Variants in SNX32 observed in about 807,000 individuals in gnomAD.
SNX32 encodes sorting nexin 32.
A neutral mutation model predicts 57.0 loss-of-function variants in SNX32; 58 were observed. The ratio of observed to expected loss-of-function variants is 1.02; its 90% CI spans 0.82 to 1.27. The LOEUF (loss-of-function observed/expected upper bound fraction) is 1.27, where lower values mean the gene tolerates loss of function less well. Among genes scored for constraint, SNX32 ranks in the 50% most tolerant of loss-of-function variants. The probability of loss-of-function intolerance (pLI) is 0.00; values close to 1 mark genes in which losing one functional copy is unlikely to be tolerated. For missense variants in SNX32, 589 were observed against 541.2 expected (o/e 1.09, Z -0.88); for synonymous variants, 262 against 220.4 (o/e 1.19, Z -1.67).
chr11:65,844,591 A>G (rs1309518260), intron 1 of SNX32, among the ~76,000 whole-genome samples: 1 of 152,202 alleles, frequency 6.6e-6, no homozygotes, highest in African/African-American at 2.4e-5. Context: ...AGTATTTACT[A>G]AAGTGTTTTA....
chr11:65,846,046 T>C (rs909829013), intron 1 of SNX32, among the ~76,000 whole-genome samples: 11 of 151,806 alleles, frequency 7.2e-5, no homozygotes, highest in Admixed American at 2.0e-4. Flanking sequence ...CCAAGGTGGG[T>C]GGATCACCTG....
intron 1 of SNX32, among the ~76,000 whole-genome samples, chr11:65,835,896 T>C (rs772127921): frequency 1.2e-4 from 18 of 152,150 alleles, no homozygotes; most frequent in Non-Finnish European, 2.2e-4. Context: ...TCTGCTTCAA[T>C]GTTTATCTAT....
intron 7 of SNX32, 46 bp from the exon 8 acceptor site, chr11:65,851,282 T>C: frequency 6.2e-7 from 1 of 1,611,004 alleles, no homozygotes; most frequent in Non-Finnish European, 8.5e-7. Flanking sequence ...GCACCAAGGC[T>C]TGACATGCAG....
At chr11:65,849,798 C>G (rs1012502680) in intron 2 of SNX32, 122 bp from the exon 3 acceptor site, 1 of 822,582 alleles carries the variant, frequency 1.2e-6, no homozygotes, top group East Asian at 2.7e-5. Flanking sequence ...TCATGCACAC[C>G]TGAGCTCTAA....
rs1338918083 is a variant in SNX32, at chr11:65,851,336, G to A, written c.718G>A (p.Asp240Asn). 2.5e-6 allele frequency: 4 copies of A among 1,614,150 alleles called. No homozygotes were observed. Among genetic ancestry groups the A allele is most frequent in the Admixed American group, 1.7e-5 (1 of 60,018 alleles). The change falls in exon 8 of 13, where the codon GAC becomes AAC. Residue 240 changes from aspartate to asparagine, a missense_variant. Physicochemically the swap from Asp to Asn is conservative, Grantham distance 23 (BLOSUM62 1). Transcript: ENST00000308342. ...RVMRAHKCLA[D>N]DYIPISAALS... The stretch of plus-strand genomic sequence containing the variant: ...GGGCTGTTCCCCAACAGGCCTGGCA[G>A]ACGATTATATCCCTATCTCAGCTGC...
chr11:65,850,754 A>C lies in SNX32; in HGVS notation c.502A>C (p.Ser168Arg). 1 of 1,613,864 alleles carries C rather than the reference A, an allele frequency of 6.2e-7. No individual in the cohort carries two copies. The highest frequency in any genetic ancestry group is 8.5e-7 in the Non-Finnish European group (1 of 1,179,894). ...FVFLEYGQDL[S>R]VRGKNRKELL... is the part of the protein sequence containing the mutation. ...ATACCCTCCCTGTGTGCCTCAGCTGAGTGTCCGGGGGAAGAACAGGAAGGA... is the reference window on the plus strand; with the variant it reads ...ATACCCTCCCTGTGTGCCTCAGCTGCGTGTCCGGGGGAAGAACAGGAAGGA... Residue 168 changes from serine (S) to arginine (R), a missense_variant, in exon 6 of 13, where the codon AGT becomes CGT. Transcript: ENST00000308342.
In SNX32 at chr11:65,849,997, C is replaced by G. The variant is rs1859119046; in HGVS notation, c.219C>G (p.Ala73=). The change falls in exon 3 of 13, where the codon GCC becomes GCG. Residue 73 remains alanine, a synonymous_variant. Transcript: ENST00000308342. ...AGGAGTTCATCTGGCTGCATGATGC[C>G]TACGTGGAGAATGAGGAGTACGCCG... The part of the protein sequence containing the change: ...QHEEFIWLHD[A]YVENEEYAGL... 6.2e-7 allele frequency: 1 copy of G among 1,613,540 alleles called. No homozygotes were observed. The highest frequency in any genetic ancestry group is 1.7e-5 in the Admixed American group (1 of 59,972).
Position 65,853,295 on chromosome 11 carries a change from T to A in SNX32, c.1172T>A (p.Ile391Asn), listed in dbSNP as rs750549319. 1 of 1,614,060 alleles carries A rather than the reference T, an allele frequency of 6.2e-7. No individual in the cohort carries two copies. Among genetic ancestry groups the A allele is most frequent in the Non-Finnish European group, 8.5e-7 (1 of 1,179,984 alleles). The change falls in exon 13 of 13, where the codon ATT (isoleucine) becomes AAT (asparagine). Residue 391 changes from isoleucine to asparagine, a missense_variant. Ile to Asn is a moderately radical substitution (Grantham distance 149, BLOSUM62 -3). Transcript: ENST00000308342. ...TCTCCTCTGCAGGCCAGCACCCTGA[T>A]TCTCCGGAACACCCTTGTTGCCCTA... is the stretch of plus-strand genomic sequence containing the variant. ...ELKHAKASTLILRNTLVALKG... is the reference protein window; with the variant it reads ...ELKHAKASTLNLRNTLVALKG...
intron 1 of SNX32, among the ~76,000 whole-genome samples, chr11:65,834,461 T>C (rs774440154): frequency 1.3e-5 from 2 of 151,176 alleles, no homozygotes. Context: ...GGCCTGTGTG[T>C]GTCTGTGTGT....
rs1858579985 is a variant in SNX32 at position 65,834,088 on chromosome 11, G to GCA, written c.23_24insCA (p.Lys9ArgfsTer27). 8 of 1,551,332 alleles carry GCA rather than the reference G, an allele frequency of 5.2e-6. No individual in the cohort carries two copies. The highest frequency in any genetic ancestry group is 7.0e-6 in the Non-Finnish European group (8 of 1,146,824). On this transcript the variant is annotated frameshift_variant, in exon 1 of 13. Coordinates refer to ENST00000308342, the MANE Select transcript of SNX32 (RefSeq NM_152760.3). LOFTEE classifies it high-confidence loss of function. ...GCGATGGAGACGTATGCGGAGGTTG[G>GCA]GAAGGAGGGCAAGGTAGAGAAAGGA...
Position 65,834,150 on chromosome 11 carries a change from A to G in SNX32, c.36+49A>G, listed in dbSNP as rs778412011. 3 of 1,538,676 alleles carry G rather than the reference A, an allele frequency of 1.9e-6. No individual in the cohort carries two copies. The South Asian group carries it at 3.6e-5, about 18-fold the overall frequency. ...ACCCCAGCCTCCCCTCACTCCATGAAAGCCCGTGATGCCCAATCATGCGGT... is the reference window on the plus strand; with the variant it reads ...ACCCCAGCCTCCCCTCACTCCATGAGAGCCCGTGATGCCCAATCATGCGGT... On this transcript the variant is annotated intron_variant, in intron 1 of 12. Transcript: ENST00000308342.
In SNX32 at chr11:65,845,135, T is replaced by TAAAAAAA. The variant is rs766803127; in HGVS notation, c.37-4327_37-4321dup. Among the ~76,000 whole-genome samples the TAAAAAAA allele has an allele frequency of 2.9e-5, 3 of 101,964 alleles. No individual in the cohort carries two copies. In the East Asian group the frequency reaches 9.7e-4, roughly 33 times the overall value. The allele number at this position is 101,964 out of a possible 152,430, so 66.9% of individuals were successfully genotyped here. ...GCATAGCGAGAACACCCCCCTGCTTTAAAAAAAAAAAAAAAAAAAAAAGGC... is the reference window on the plus strand; with the variant it reads ...GCATAGCGAGAACACCCCCCTGCTTTAAAAAAAAAAAAAAAAAAAAAAAAAAAAAGGC... On this transcript the variant is annotated intron_variant, in intron 1 of 12. Coordinates refer to ENST00000308342, the MANE Select transcript of SNX32 (RefSeq NM_152760.3).
At chr11:65,841,681 C>T (rs1395819072) in intron 1 of SNX32, among the ~76,000 whole-genome samples, 1 of 151,904 alleles carries the variant, frequency 6.6e-6, no homozygotes, top group Non-Finnish European at 1.5e-5. Flanking sequence ...TTGCAGTGAG[C>T]CGAGATTGCG....
At chr11:65,851,235 G>A (rs1859181701) in intron 7 of SNX32, 75 bp downstream of exon 7, 2 of 1,600,440 alleles carry the variant, frequency 1.2e-6, no homozygotes, top group Non-Finnish European at 1.7e-6. Context: ...GGAGAGAAGA[G>A]AGCAGGGCGT....
chr11:65,846,521 G>A (rs1464624328), intron 1 of SNX32, among the ~76,000 whole-genome samples: 4 of 147,898 alleles, frequency 2.7e-5, no homozygotes, highest in African/African-American at 1.0e-4. Flanking sequence ...AGCTGAGATC[G>A]TGCCATTGCA....
Position 65,849,986 on chromosome 11 carries a change from C to A in SNX32, c.208C>A (p.Leu70Met). 1 of 1,611,970 alleles carries A rather than the reference C, an allele frequency of 6.2e-7. No individual in the cohort carries two copies. ...VVRQHEEFIW[L>M]HDAYVENEEY... ...GCGGCAGCACGAGGAGTTCATCTGG[C>A]TGCATGATGCCTACGTGGAGAATGA... Residue 70 changes from leucine to methionine, a missense_variant, in exon 3 of 13, where the codon CTG becomes ATG. Leu to Met is a conservative substitution (Grantham distance 15). Coordinates refer to ENST00000308342, the MANE Select transcript of SNX32 (RefSeq NM_152760.3).
At chr11:65,841,696 C>T (rs1336864447) in intron 1 of SNX32, among the ~76,000 whole-genome samples, 6 of 151,544 alleles carry the variant, frequency 4.0e-5, no homozygotes, top group Non-Finnish European at 8.8e-5. Context: ...ATTGCGCCAT[C>T]GCACTCCAGC....
At chr11:65,849,349 T>A (rs563304005) in intron 1 of SNX32, 129 bp from the exon 2 acceptor site, 60 of 697,306 alleles carry the variant, frequency 8.6e-5, no homozygotes, top group African/African-American at 7.6e-4. Flanking sequence ...GACCCCTCTC[T>A]GGTGACCTGG....
intron 1 of SNX32, among the ~76,000 whole-genome samples, chr11:65,847,676 G>A (rs762387032): frequency 1.3e-5 from 2 of 152,078 alleles, no homozygotes; most frequent in African/African-American, 2.4e-5. Flanking sequence ...TTGGGAGGCC[G>A]AGGCAGGCAG....
Sources: allele counts gnomAD v4.1 joint callset (sites outside exome capture counted in the v4.1 genomes callset), GRCh38; gene constraint gnomAD v4.1.1; transcripts MANE v1.5; gene names NCBI Gene and HGNC (gene_info 2026-07-23, HGNC 2026-07-21).